CHD9: variants seen among roughly 807,000 people sequenced by gnomAD.
CHD9 encodes the protein chromodomain helicase DNA binding protein 9, also known as ATP-dependent chromatin remodeler CHD9.
CHD9 carries 77 observed loss-of-function variants against 316.1 expected under a neutral mutation model. The observed-to-expected ratio is 0.24, with a 90% CI of 0.20 to 0.29. CHD9 has a LOEUF of 0.29. CHD9 is among the 10% of genes least tolerant of loss of function. The pLI is 1.00. For missense variants in CHD9, 2,763 were observed against 3,438.1 expected, an observed-to-expected ratio of 0.80 and a Z score of 4.91; for synonymous variants, 1,129 against 1,158.3, an observed-to-expected ratio of 0.97 and a Z score of 0.51.
At chr16:53,296,462 A>T (rs2054805244) in intron 29 of CHD9, among the ~76,000 whole-genome samples, 1 of 73,410 alleles carries the variant, frequency 1.4e-5, no homozygotes, top group African/African-American at 5.6e-5. Flanking sequence ...TTTTTTTGAG[A>T]CAGAGTCTCG....
At chr16:53,287,708 C>T (rs1046600566) in intron 26 of CHD9, among the ~76,000 whole-genome samples, 50 of 152,124 alleles carry the variant, frequency 3.3e-4, no homozygotes, top group African/African-American at 1.2e-3. Flanking sequence ...GCCTGGGCGA[C>T]AAGAGTGAAA....
At chr16:53,251,363 C>T (rs1187092608) in intron 17 of CHD9, among the ~76,000 whole-genome samples, 1 of 152,076 alleles carries the variant, frequency 6.6e-6, no homozygotes, top group Non-Finnish European at 1.5e-5. Context: ...CTTTATAGAA[C>T]CTGAAGAGAA....
chr16:53,267,217 A>G (rs1229896829), intron 20 of CHD9, 77 bp from the exon 21 acceptor site: 4 of 875,474 alleles, frequency 4.6e-6, no homozygotes, highest in Non-Finnish European at 4.9e-6. Flanking sequence ...TATTGTTTGT[A>G]TAAGGTAAAA....
At chr16:53,155,553 C>T (rs754780597) in intron 1 of CHD9, among the ~76,000 whole-genome samples, 2 of 151,864 alleles carry the variant, frequency 1.3e-5, no homozygotes, top group Non-Finnish European at 2.9e-5. Context: ...ATTCAGATAC[C>T]ATACAATTCA....
At position 53,170,038 on chromosome 16, in the gene CHD9, AGTTTTTTTTT is replaced by A. The variant is rs888492347; in HGVS notation, c.1452+12512_1452+12521del. ...TGGTTATTCATAATTCAGGTTAAGC[AGTTTTTTTTT>A]GTTTTTTTTTGTTTGTTTTTTTTTG... On this transcript the variant is annotated intron_variant, in intron 2 of 38. Coordinates refer to ENST00000447540, the MANE Select transcript of CHD9 (RefSeq NM_001308319.2). Among the ~76,000 whole-genome samples the A allele has an allele frequency of 1.9e-4, 25 of 130,002 alleles. 1 individual carries two copies. Among genetic ancestry groups the A allele is most frequent in the South Asian group, 5.0e-4 (2 of 4,036 alleles). The allele number at this position is 130,002 out of a possible 152,430, so 85.3% of individuals were successfully genotyped here. A position where few individuals can be genotyped will look rare whatever the true frequency, so the allele number is the denominator to read the frequency against.
intron 36 of CHD9, among the ~76,000 whole-genome samples, chr16:53,317,647 C>A (rs954183746): frequency 1.3e-5 from 2 of 152,136 alleles, no homozygotes; most frequent in Admixed American, 1.3e-4. Context: ...GCGTACACCA[C>A]CATGGCAAGC....
At chr16:53,074,648 C>T (rs1159366823) in intron 1 of CHD9, among the ~76,000 whole-genome samples, 2 of 152,202 alleles carry the variant, frequency 1.3e-5, no homozygotes, top group Admixed American at 1.3e-4. Context: ...GCCATGGCTT[C>T]GGAGGGTGCA....
intron 3 of CHD9, among the ~76,000 whole-genome samples, chr16:53,216,532 T>A (rs1262025819): frequency 6.6e-6 from 1 of 152,192 alleles, no homozygotes; most frequent in African/African-American, 2.4e-5. Context: ...AATCTGAGAA[T>A]AAAGGGATCA....
chr16:53,245,212 A>G lies in CHD9; in HGVS notation c.3055-124A>G, dbSNP rs1478040185. 8.9e-6 allele frequency: 3 copies of G among 335,442 alleles called. 1 individual carries two copies. The East Asian group carries it at 1.5e-4, about 17-fold the overall frequency. The allele number at this position is 335,442 out of a possible 1,614,324, so 20.8% of individuals were successfully genotyped here. A position where few individuals can be genotyped will look rare whatever the true frequency, so the allele number is the denominator to read the frequency against. ...TATATATATACACACACACACACAT[A>G]ACATATATATATGTATATATAGTCA... On this transcript the variant is annotated intron_variant, in intron 13 of 38. Transcript: ENST00000447540. This position sits in a 1 kb window ranked among gnomAD's most constrained non-coding sequence, Gnocchi z 4.1.
chr16:53,193,272 C>T (rs536458569), intron 2 of CHD9, among the ~76,000 whole-genome samples: 1 of 151,868 alleles, frequency 6.6e-6, no homozygotes, highest in African/African-American at 2.4e-5. Flanking sequence ...CACGGTGAAA[C>T]CCTGTCGCTA....
chr16:53,137,927 G>T (rs2039838808), intron 1 of CHD9, among the ~76,000 whole-genome samples: 2 of 152,036 alleles, frequency 1.3e-5, no homozygotes, highest in South Asian at 4.1e-4. Flanking sequence ...CTTAATCAAA[G>T]AAATTTTATT....
chr16:53,227,271 T>C, intron 5 of CHD9, 125 bp from the exon 6 acceptor site: 2 of 604,976 alleles, frequency 3.3e-6, no homozygotes, highest in Non-Finnish European at 2.9e-6. Flanking sequence ...ACACGTAACA[T>C]AGTGTCTAGC....
At chr16:53,191,385 A>G (rs2044469731) in intron 2 of CHD9, among the ~76,000 whole-genome samples, 1 of 152,186 alleles carries the variant, frequency 6.6e-6, no homozygotes. Context: ...TAGCTACACC[A>G]GTAATCAAGA....
intron 1 of CHD9, among the ~76,000 whole-genome samples, chr16:53,085,772 G>A (rs370546522): frequency 3.9e-5 from 6 of 152,182 alleles, no homozygotes; most frequent in South Asian, 2.1e-4. Flanking sequence ...GCCTCCTGCC[G>A]GGTAAATATT....
chr16:53,217,685 G>GTT (rs2046872762), intron 3 of CHD9, among the ~76,000 whole-genome samples: 1 of 152,004 alleles, frequency 6.6e-6, no homozygotes, highest in Admixed American at 6.5e-5. Flanking sequence ...TAATAAATTG[G>GTT]TAAGGTTTAC....
intron 36 of CHD9, 101 bp downstream of exon 36, chr16:53,315,145 C>G (rs1272469776): frequency 1.0e-5 from 8 of 795,654 alleles, no homozygotes; most frequent in African/African-American, 3.5e-5. Context: ...TAAATATGTG[C>G]TCTGCCTAAG....
intron 1 of CHD9, among the ~76,000 whole-genome samples, chr16:53,114,680 C>T (rs76602309): frequency 6.6e-6 from 1 of 152,196 alleles, no homozygotes; most frequent in Non-Finnish European, 1.5e-5. Flanking sequence ...CTCCGCCTCG[C>T]GGGTTCACGC....
intron 1 of CHD9, among the ~76,000 whole-genome samples, chr16:53,070,492 CCT>C (rs2033929324): frequency 7.7e-6 from 1 of 129,678 alleles, no homozygotes; most frequent in South Asian, 2.5e-4. Flanking sequence ...TTCTTTCTTT[CCT>C]TCCTTCCTTC....
intron 2 of CHD9, among the ~76,000 whole-genome samples, chr16:53,187,020 C>G (rs1255772526): frequency 6.6e-6 from 1 of 152,042 alleles, no homozygotes; most frequent in Non-Finnish European, 1.5e-5. Context: ...AGGGAAAATC[C>G]ACAATAAAAT....
Sources: gnomAD v4.1 joint callset for allele counts (sites outside exome capture counted in the v4.1 genomes callset) on GRCh38, gnomAD v4.1.1 for gene constraint, Gnocchi (gnomAD v3.1) non-coding constraint, MANE v1.5 for transcripts, NCBI Gene and HGNC (gene_info 2026-07-23, HGNC 2026-07-21) for gene names.